The following MMEL1 variants were observed in gnomAD, a reference collection of about 807,000 sequenced individuals.
The protein encoded by MMEL1 is membrane metalloendopeptidase like 1, also known as membrane metallo-endopeptidase-like 1.
Under a neutral mutation model 117.1 loss-of-function variants are expected in MMEL1, and 98 were observed. The ratio of observed to expected loss-of-function variants is 0.84; its 90% CI spans 0.71 to 0.99. The LOEUF (loss-of-function observed/expected upper bound fraction) is 0.99. MMEL1 is among the 50% of genes least tolerant of loss of function. The probability of loss-of-function intolerance (pLI) is 0.00; values close to 1 mark genes in which losing one functional copy is unlikely to be tolerated. For missense variants in MMEL1, 1,014 were observed against 1,049.1 expected, an observed-to-expected ratio of 0.97 and a Z score of 0.46; for synonymous variants, 390 against 415.1, an observed-to-expected ratio of 0.94 and a Z score of 0.74.
At chr1:2,592,375 G>GAT (rs1380585968) in intron 21 of MMEL1, among the ~76,000 whole-genome samples, 44 of 62,022 alleles carry the variant, frequency 7.1e-4, no homozygotes, top group African/African-American at 1.3e-3. Context: ...CTGCTGTGCT[G>GAT]GCACCCCCTC....
At chr1:2,613,724 G>A (rs116575606) in intron 2 of MMEL1, among the ~76,000 whole-genome samples, 92 of 152,180 alleles carry the variant, frequency 6.0e-4, no homozygotes, top group African/African-American at 2.1e-3. Context: ...GGCGGCATAC[G>A]TCTGTAGTTC....
chr1:2,617,482 C>T (rs931181205), intron 2 of MMEL1, among the ~76,000 whole-genome samples: 2 of 150,218 alleles, frequency 1.3e-5, no homozygotes, highest in African/African-American at 4.9e-5. Flanking sequence ...TGCCTGTAAT[C>T]CCATCTACTC....
In MMEL1 at chr1:2,621,581, T is replaced by TTG. The variant is rs1553145499; in HGVS notation, c.154+7749_154+7750insCA. ...GACTGAACCAATGCACATTTTTTTTTTTTTGTTTTGGAGATGCAGTTTCAT... is the reference window on the plus strand; with the variant it reads ...GACTGAACCAATGCACATTTTTTTTTTGTTTTGTTTTGGAGATGCAGTTTCAT... On this transcript the variant is annotated intron_variant, in intron 2 of 23. Transcript: ENST00000378412. 1.6e-3 allele frequency among the ~76,000 whole-genome samples: 248 copies of TTG among 152,022 alleles called. 1 individual carries two copies. Among genetic ancestry groups the TTG allele is most frequent in the African/African-American group, 5.7e-3 (236 of 41,406 alleles).
intron 2 of MMEL1, among the ~76,000 whole-genome samples, chr1:2,618,631 G>A (rs1645240697): frequency 6.6e-6 from 1 of 152,148 alleles, no homozygotes; most frequent in African/African-American, 2.4e-5. Flanking sequence ...AGAAATGTGT[G>A]GCCAAGGAAA....
chr1:2,602,684 G>A (rs555153472), intron 11 of MMEL1, among the ~76,000 whole-genome samples: 2 of 152,252 alleles, frequency 1.3e-5, no homozygotes, highest in South Asian at 2.1e-4. Context: ...AGTGGCCCCC[G>A]AGGTCGGACA....
At chr1:2,621,802 T>A (rs980292819) in intron 2 of MMEL1, among the ~76,000 whole-genome samples, 1 of 152,166 alleles carries the variant, frequency 6.6e-6, no homozygotes, top group African/African-American at 2.4e-5. Flanking sequence ...CTTCAGGTGA[T>A]CCACCTACCT....
At chr1:2,627,527 G>C (rs1423096102) in intron 2 of MMEL1, among the ~76,000 whole-genome samples, 1 of 152,122 alleles carries the variant, frequency 6.6e-6, no homozygotes, top group Non-Finnish European at 1.5e-5. Context: ...TTATAAAATC[G>C]ATCAAGTGTT....
In MMEL1 at chr1:2,595,267, G is replaced by A. The variant is rs750005005; in HGVS notation, c.1584+9C>T. On this transcript the variant is annotated intron_variant, in intron 16 of 23. Coordinates refer to ENST00000378412, the MANE Select transcript of MMEL1 (RefSeq NM_033467.4). The surrounding 1 kb of genome is among the most constrained non-coding windows in gnomAD (Gnocchi z 4.8). ...GGGGGGCAGTTTAGGGCTGGGGTTG[G>A]GGGCGCACATTGGAGTACTCCTCGT... 5 of 1,612,784 alleles carry A rather than the reference G, an allele frequency of 3.1e-6. 1 individual carries two copies. The South Asian group carries it at 4.4e-5, about 14-fold the overall frequency.
chr1:2,591,293 A>G, intron 23 of MMEL1: 1 of 595,056 alleles, frequency 1.7e-6, no homozygotes, highest in Non-Finnish European at 3.0e-6. Context: ...CCAGCCAGAG[A>G]TATTCCAACT....
At position 2,591,063 on chromosome 1, in the gene MMEL1, G is replaced by A. The variant is rs1644685531; in HGVS notation, c.2267C>T (p.Ala756Val). The A allele has an allele frequency of 3.1e-6, 5 of 1,604,900 alleles. No homozygotes were observed. The East Asian group carries it at 1.1e-4, about 36-fold the overall frequency. ...YRVLGSLQNLAAFADTFHCAR... is the reference protein window; with the variant it reads ...YRVLGSLQNLVAFADTFHCAR... ...ACAGTGGAACGTGTCTGCGAAGGCG[G>A]CCAGGTTCTGCAGCGACCCCAGTAC... Residue 756 changes from alanine (A) to valine (V), a missense_variant, in exon 24 of 24, where the codon GCC becomes GTC. By Grantham distance (64) the Ala-to-Val change is moderately conservative. Transcript: ENST00000378412.
intron 1 of MMEL1, 84 bp downstream of exon 1, chr1:2,632,782 G>C (rs1557569581): frequency 1.2e-6 from 1 of 849,516 alleles, no homozygotes; most frequent in Non-Finnish European, 1.4e-6. Context: ...CGCCTGGAGA[G>C]GGTTTCAAGG....
Position 2,598,703 on chromosome 1 carries a change from T to A in MMEL1, c.1129A>T (p.Ile377Phe). 1 of 1,614,076 alleles carries A rather than the reference T, an allele frequency of 6.2e-7. No homozygotes were observed. Residue 377 changes from isoleucine to phenylalanine, a missense_variant, in exon 12 of 24, where the codon ATC becomes TTC. By Grantham distance (21) the Ile-to-Phe change is conservative. Transcript: ENST00000378412. Reference protein sequence around the residue: ...LPDEEVVVYGIPYLQNLENII... With the variant: ...LPDEEVVVYGFPYLQNLENII... Reference sequence around the variant, plus strand: ...TTTTCAAGGTTCTGCAGGTAGGGGATGCCATAGACCACCACTTCCTCATCT... The same window carrying A: ...TTTTCAAGGTTCTGCAGGTAGGGGAAGCCATAGACCACCACTTCCTCATCT...
chr1:2,605,686 CA>C, intron 8 of MMEL1, 63 bp from the exon 9 acceptor site: 1 of 1,290,748 alleles, frequency 7.7e-7, no homozygotes, highest in Non-Finnish European at 1.1e-6. Flanking sequence ...CTGGCTGAGG[CA>C]GGCTGCAGCC....
Position 2,591,562 on chromosome 1 carries a change from C to T in MMEL1, c.2235G>A (p.Lys745=). Reference sequence around the variant, plus strand: ...TGTGAGCATGGGAGACTTGCCTGTACTTCAGGGGACTGTGGACGTCTGTCT... The same window carrying T: ...TGTGAGCATGGGAGACTTGCCTGTATTTCAGGGGACTGTGGACGTCTGTCT... ...SIKTDVHSPL[K]YRVLGSLQNL... Residue 745 remains lysine (K), a synonymous_variant, in exon 23 of 24, where the codon AAG becomes AAA. Coordinates refer to ENST00000378412, the MANE Select transcript of MMEL1 (RefSeq NM_033467.4). 2.5e-6 allele frequency: 4 copies of T among 1,613,668 alleles called. No homozygotes were observed. The South Asian group carries it at 4.4e-5, about 18-fold the overall frequency.
chr1:2,594,422 C>T lies in MMEL1; in HGVS notation c.1710G>A (p.Val570=). The change falls in exon 18 of 24, where the codon GTG becomes GTA. Residue 570 remains valine (V), a synonymous_variant. Transcript: ENST00000378412. ...GGTTTGGGGAGTAGAACGCATTGAC[C>T]ACCGCCGCCCCGATGATCCAGCTGT... ...DPNLWIIGAA[V]VNAFYSPNRN... is the part of the protein sequence containing the mutation. 6.4e-7 allele frequency: 1 copy of T among 1,551,622 alleles called. No individual in the cohort carries two copies.
Position 2,596,102 on chromosome 1 carries a change from T to C in MMEL1, c.1407A>G (p.Arg469=). 1 of 1,613,766 alleles carries C rather than the reference T, an allele frequency of 6.2e-7. No individual in the cohort carries two copies. The highest frequency in any genetic ancestry group is 1.1e-5 in the South Asian group (1 of 91,074). ...CTGTCCGCACCTTGTCAATGAGTTC[T>C]CTGACCTGGGAATCGGGCATGGCCC... ...AFPGDSKSMV[R]ELIDKVRTVF... Residue 469 remains arginine, a synonymous_variant, in exon 15 of 24, where the codon AGA becomes AGG. Transcript: ENST00000378412.
intron 11 of MMEL1, among the ~76,000 whole-genome samples, chr1:2,601,534 C>T (rs541502555): frequency 1.3e-5 from 2 of 152,040 alleles, no homozygotes; most frequent in South Asian, 2.1e-4. Flanking sequence ...ATACTAACCA[C>T]GAAGAAGAGA....
intron 13 of MMEL1, 107 bp from the exon 14 acceptor site, chr1:2,596,796 A>C: frequency 5.1e-5 from 71 of 1,392,104 alleles, no homozygotes; most frequent in Non-Finnish European, 6.6e-5. Flanking sequence ...CCTCAGCCTC[A>C]GGGTGCCCCG....
In MMEL1 at chr1:2,591,093, TG is replaced by T; in HGVS notation, c.2241-5del. On this transcript the variant is annotated splice_polypyrimidine_tract_variant and splice_region_variant and intron_variant, in intron 23 of 23. Transcript: ENST00000378412. ...GTTCTGCAGCGACCCCAGTACCCTGTGGGTGGGTGGGTGTGACAGCAGGAGC... is the reference window on the plus strand; with the variant it reads ...GTTCTGCAGCGACCCCAGTACCCTGTGGTGGGTGGGTGTGACAGCAGGAGC... 9 of 1,549,422 alleles carry T rather than the reference TG, an allele frequency of 5.8e-6. No homozygotes were observed. Among genetic ancestry groups the T allele is most frequent in the Non-Finnish European group, 7.8e-6 (9 of 1,147,506 alleles).
Sources: allele counts gnomAD v4.1 joint callset (sites outside exome capture counted in the v4.1 genomes callset), GRCh38; gene constraint gnomAD v4.1.1; non-coding constraint Gnocchi (gnomAD v3.1); transcripts MANE v1.5; gene names NCBI Gene and HGNC (gene_info 2026-07-23, HGNC 2026-07-21).